The following RAPGEF5 variants were observed in gnomAD, a reference collection of about 807,000 sequenced individuals.
RAPGEF5 encodes M-Ras-regulated GEF.
A neutral mutation model predicts 125.2 loss-of-function variants in RAPGEF5; 65 were observed. The observed-to-expected ratio is 0.52, with a 90% CI of 0.43 to 0.64. RAPGEF5 has a LOEUF of 0.64. RAPGEF5 is among the 30% of genes least tolerant of loss of function. The pLI is 0.00. For missense variants in RAPGEF5, 958 were observed against 1,048.1 expected (o/e 0.91, Z 1.19); for synonymous variants, 391 against 385.9 (o/e 1.01, Z -0.16).
intron 5 of RAPGEF5, among the ~76,000 whole-genome samples, chr7:22,298,180 G>GTTT (rs71550471): frequency 7.3e-6 from 1 of 137,526 alleles, no homozygotes; most frequent in Non-Finnish European, 1.6e-5. Flanking sequence ...TCTGTTTTTT[G>GTTT]TTTTTTTTTT....
At chr7:22,269,532 G>A (rs1267805114) in intron 6 of RAPGEF5, among the ~76,000 whole-genome samples, 4 of 152,132 alleles carry the variant, frequency 2.6e-5, no homozygotes, top group African/African-American at 9.7e-5. Flanking sequence ...GGACCGAGGG[G>A]AGAGAAAAAA....
chr7:22,269,137 G>C (rs982556102), intron 6 of RAPGEF5, among the ~76,000 whole-genome samples: 1 of 141,256 alleles, frequency 7.1e-6, no homozygotes, highest in African/African-American at 2.7e-5. Flanking sequence ...GAGGATGTAC[G>C]ATAGCTTCCG....
chr7:22,318,137 TGAAA>T, intron 1 of RAPGEF5, 100 bp from the exon 2 acceptor site: 1 of 1,068,790 alleles, frequency 9.4e-7, no homozygotes, highest in Non-Finnish European at 1.2e-6. Flanking sequence ...GCCTCTGCTA[TGAAA>T]AAAAAAAAAA....
intron 1 of RAPGEF5, among the ~76,000 whole-genome samples, chr7:22,324,153 A>C (rs1783769284): frequency 6.6e-6 from 1 of 152,256 alleles, no homozygotes; most frequent in Admixed American, 6.5e-5. Flanking sequence ...ACATGTTGAC[A>C]TCTGCCTCCT....
intron 11 of RAPGEF5, among the ~76,000 whole-genome samples, chr7:22,175,838 T>A (rs1397516058): frequency 6.6e-6 from 1 of 152,236 alleles, no homozygotes; most frequent in East Asian, 1.9e-4. Context: ...CATTGTAATG[T>A]TTTTACCTCT....
At chr7:22,277,634 T>C (rs551461686) in intron 6 of RAPGEF5, among the ~76,000 whole-genome samples, 15 of 152,276 alleles carry the variant, frequency 9.9e-5, no homozygotes, top group South Asian at 8.3e-4. Context: ...CTTACGTCTG[T>C]AGGGCTGAGG....
At chr7:22,260,281 G>A (rs376025611) in intron 7 of RAPGEF5, among the ~76,000 whole-genome samples, 1 of 152,078 alleles carries the variant, frequency 6.6e-6, no homozygotes, top group Non-Finnish European at 1.5e-5. Flanking sequence ...TGGACTTTGG[G>A]TGATAACCAC....
chr7:22,148,215 TAAGA>T (rs1444673975), intron 18 of RAPGEF5, among the ~76,000 whole-genome samples: 1 of 152,206 alleles, frequency 6.6e-6, no homozygotes, highest in Admixed American at 6.5e-5. Flanking sequence ...GCTGACTTTC[TAAGA>T]AAGACCCAGA....
chr7:22,200,161 G>C (rs1481047795), intron 9 of RAPGEF5, among the ~76,000 whole-genome samples: 1 of 151,930 alleles, frequency 6.6e-6, no homozygotes, highest in Non-Finnish European at 1.5e-5. Context: ...ATCTGTGTCT[G>C]TTATACAAAT....
intron 6 of RAPGEF5, among the ~76,000 whole-genome samples, chr7:22,268,471 C>A (rs986677337): frequency 2.6e-5 from 4 of 152,176 alleles, no homozygotes; most frequent in African/African-American, 7.2e-5. Flanking sequence ...TCAATTACTG[C>A]ATATTTTACA....
At chr7:22,323,502 T>A (rs1166352390) in intron 1 of RAPGEF5, among the ~76,000 whole-genome samples, 5 of 152,220 alleles carry the variant, frequency 3.3e-5, no homozygotes, top group African/African-American at 1.2e-4. Context: ...AAGAGAATAG[T>A]TTTGCCTACC....
chr7:22,178,397 G>C (rs1002265880), intron 11 of RAPGEF5, among the ~76,000 whole-genome samples: 3 of 152,050 alleles, frequency 2.0e-5, no homozygotes, highest in Non-Finnish European at 4.4e-5. Context: ...ACAGACCAGG[G>C]GCTCAATCCC....
At chr7:22,321,646 G>A (rs908031180) in intron 1 of RAPGEF5, among the ~76,000 whole-genome samples, 2 of 152,162 alleles carry the variant, frequency 1.3e-5, no homozygotes, top group African/African-American at 4.8e-5. Context: ...TATTGATAAT[G>A]CAAGAATTAA....
intron 7 of RAPGEF5, among the ~76,000 whole-genome samples, chr7:22,247,905 T>G (rs1255575369): frequency 2.0e-5 from 3 of 152,154 alleles, no homozygotes; most frequent in Non-Finnish European, 4.4e-5. Context: ...TTCTTACTTA[T>G]AAGTGGGAGC....
chr7:22,136,080 T>G lies in RAPGEF5; in HGVS notation c.2374A>C (p.Met792Leu), dbSNP rs1216604641. ...HKAYRDAFKK[M>L]KPPKIPFMPL... ...ATGAAAGGGATTTTTGGTGGCTTCA[T>G]CTTTTTGAATGCATCTCTGTAGGCT... The change falls in exon 23 of 26, where the codon ATG (methionine) becomes CTG (leucine). Residue 792 changes from methionine (M) to leucine (L), a missense_variant. By Grantham distance (15) the Met-to-Leu change is conservative. Coordinates refer to ENST00000665637, the MANE Select transcript of RAPGEF5 (RefSeq NM_012294.5). 6.2e-7 allele frequency: 1 copy of G among 1,613,002 alleles called. No homozygotes were observed. Among genetic ancestry groups the G allele is most frequent in the Admixed American group, 1.7e-5 (1 of 59,912 alleles).
intron 9 of RAPGEF5, among the ~76,000 whole-genome samples, chr7:22,196,058 G>A (rs549661011): frequency 9.8e-5 from 15 of 152,298 alleles, no homozygotes; most frequent in African/African-American, 3.6e-4. Flanking sequence ...CCAGGCAGGG[G>A]AAGAGCTGAA....
intron 9 of RAPGEF5, among the ~76,000 whole-genome samples, chr7:22,210,828 G>T (rs891727911): frequency 1.3e-5 from 2 of 151,968 alleles, no homozygotes; most frequent in African/African-American, 4.8e-5. Context: ...GGAAATGCTG[G>T]AAAAAGAGGG....
intron 1 of RAPGEF5, among the ~76,000 whole-genome samples, chr7:22,355,341 T>C (rs1039536573): frequency 1.3e-5 from 2 of 152,166 alleles, no homozygotes; most frequent in Non-Finnish European, 1.5e-5. Context: ...ACAGAAACCC[T>C]CAGCAATTCT....
intron 7 of RAPGEF5, among the ~76,000 whole-genome samples, chr7:22,241,716 C>CT (rs561539460): frequency 6.6e-6 from 1 of 152,004 alleles, no homozygotes; most frequent in African/African-American, 2.4e-5. Context: ...TGGTGATATG[C>CT]TTTTTTGCAT....
Sources: gnomAD v4.1 joint callset for allele counts (sites outside exome capture counted in the v4.1 genomes callset) on GRCh38, gnomAD v4.1.1 for gene constraint, MANE v1.5 for transcripts, NCBI Gene and HGNC (gene_info 2026-07-23, HGNC 2026-07-21) for gene names.